Variants in MTMR14 observed in about 807,000 individuals in gnomAD.
The protein encoded by MTMR14 is phosphatidylinositol-3,5-bisphosphate 3-phosphatase MTMR14.
MTMR14 carries 48 observed loss-of-function variants against 86.3 expected under a neutral mutation model. The ratio of observed to expected loss-of-function variants is 0.56; its 90% CI spans 0.44 to 0.71. The LOEUF is 0.71. Among genes scored for constraint, MTMR14 ranks in the 30% least tolerant of loss-of-function variants. The pLI, the probability that MTMR14 is intolerant of heterozygous loss-of-function variation, is 0.00. For missense variants in MTMR14, 780 were observed against 834.6 expected, an observed-to-expected ratio of 0.93 and a Z score of 0.81; for synonymous variants, 366 against 326.1, an observed-to-expected ratio of 1.12 and a Z score of -1.32.
intron 3 of MTMR14, among the ~76,000 whole-genome samples, chr3:9,666,906 C>T (rs1292590214): frequency 6.6e-6 from 1 of 152,194 alleles, no homozygotes; most frequent in East Asian, 1.9e-4. Flanking sequence ...GGCAAAGGAA[C>T]AGGTGTCTAT....
intron 1 of MTMR14, among the ~76,000 whole-genome samples, chr3:9,650,038 C>T (rs899509106): frequency 2.0e-5 from 3 of 151,954 alleles, no homozygotes; most frequent in African/African-American, 7.3e-5. Flanking sequence ...GAGAGGAGGA[C>T]CTAAGGAAGG....
intron 7 of MTMR14, chr3:9,675,492 C>T: frequency 2.3e-6 from 1 of 443,390 alleles, no homozygotes; most frequent in Non-Finnish European, 4.6e-6. Context: ...ATGTGTCACA[C>T]TATCTTGGGC....
chr3:9,665,251 C>T (rs978216295), intron 3 of MTMR14, among the ~76,000 whole-genome samples: 1 of 146,434 alleles, frequency 6.8e-6, no homozygotes, highest in African/African-American at 2.5e-5. Flanking sequence ...CATTGCACTC[C>T]AGCCTGGGCG....
In MTMR14 at chr3:9,677,303, C is replaced by T; in HGVS notation, c.752-14C>T. 6.2e-7 allele frequency: 1 copy of T among 1,613,352 alleles called. No homozygotes were observed. Among genetic ancestry groups the T allele is most frequent in the Non-Finnish European group, 8.5e-7 (1 of 1,179,388 alleles). On this transcript the variant is annotated splice_polypyrimidine_tract_variant and intron_variant, in intron 7 of 18. Coordinates refer to ENST00000296003, the MANE Select transcript of MTMR14 (RefSeq NM_001077525.3). This position sits in a 1 kb window ranked among gnomAD's most constrained non-coding sequence, Gnocchi z 4.2. ...TGGGAAGGGAGATGTCATAACTCTGCCCTTCTTTTCCAGGCTGTGAATTTT... is the reference window on the plus strand; with the variant it reads ...TGGGAAGGGAGATGTCATAACTCTGTCCTTCTTTTCCAGGCTGTGAATTTT...
At chr3:9,653,863 A>G (rs2047451823) in intron 2 of MTMR14, 94 bp downstream of exon 2, 2 of 1,531,402 alleles carry the variant, frequency 1.3e-6, no homozygotes, top group Non-Finnish European at 1.8e-6. Context: ...GGGCAGAATC[A>G]CTTTCCCCAG....
At chr3:9,678,142 C>T (rs546635910) in intron 9 of MTMR14, 84 bp downstream of exon 9, 153 of 1,396,732 alleles carry the variant, frequency 1.1e-4, no homozygotes, top group Non-Finnish European at 1.4e-4. Context: ...ACAAGGCCCT[C>T]GTGTGTTTGC....
At chr3:9,650,402 G>A (rs565159155) in intron 1 of MTMR14, 24 of 456,162 alleles carry the variant, frequency 5.3e-5, no homozygotes, top group African/African-American at 4.8e-4. Flanking sequence ...CTGGCAGTGC[G>A]GTGGGAATCT....
chr3:9,672,163 G>C (rs2125139159), intron 6 of MTMR14, among the ~76,000 whole-genome samples: 1 of 152,318 alleles, frequency 6.6e-6, no homozygotes, highest in Admixed American at 6.5e-5. Flanking sequence ...CCACCTTTAG[G>C]CTCTGATTGA....
chr3:9,668,705 T>C lies in MTMR14; in HGVS notation c.418-14T>C. On this transcript the variant is annotated splice_polypyrimidine_tract_variant and intron_variant, in intron 3 of 18. Coordinates refer to ENST00000296003, the MANE Select transcript of MTMR14 (RefSeq NM_001077525.3). ...GAAAACCATCTGACCGTGAAAATGA[T>C]GTTTCTCTCCCAGCACATTTGCAGG... The C allele has an allele frequency of 6.2e-7, 1 of 1,614,072 alleles. No homozygotes were observed.
chr3:9,684,720 AT>A (rs2075880992), intron 11 of MTMR14, 50 bp downstream of exon 11: 1 of 1,605,148 alleles, frequency 6.2e-7, no homozygotes, highest in East Asian at 2.2e-5. Flanking sequence ...GTGTGTTAGG[AT>A]TGTCTCCAGA....
intron 5 of MTMR14, among the ~76,000 whole-genome samples, chr3:9,670,484 C>T (rs2048507699): frequency 6.6e-6 from 1 of 152,216 alleles, no homozygotes; most frequent in South Asian, 2.1e-4. Flanking sequence ...CAAAAGGCAG[C>T]AGTGAGATAG....
rs1403982585 is a variant in MTMR14 at position 9,702,042 on chromosome 3, C to T, written c.*69C>T. On this transcript the variant is annotated 3_prime_UTR_variant, in exon 19 of 19. Transcript: ENST00000296003. ...CCCTTAGCAGAGAATCAAAGCCATG[C>T]CTGGCCGAAGGGGTACTTCCAGGTC... 1.3e-6 allele frequency: 2 copies of T among 1,597,920 alleles called. No individual in the cohort carries two copies. Among genetic ancestry groups the T allele is most frequent in the East Asian group, 2.2e-5 (1 of 44,814 alleles).
chr3:9,672,023 T>A (rs2048589934), intron 6 of MTMR14, among the ~76,000 whole-genome samples: 1 of 152,150 alleles, frequency 6.6e-6, no homozygotes. Context: ...GTGGGCTCAG[T>A]GACTATTAGA....
In MTMR14 at chr3:9,651,628, C is replaced by T. The variant is rs1180544027; in HGVS notation, c.159+1886C>T. Among the ~76,000 whole-genome samples the T allele has an allele frequency of 2.0e-5, 3 of 152,166 alleles. No homozygotes were observed. In the South Asian group the frequency reaches 6.2e-4, roughly 32 times the overall value. ...ACAGGGAGTTAGATCTGTAACTGAA[C>T]AATCGATTGAGATAACTCACTACCT... On this transcript the variant is annotated intron_variant, in intron 1 of 18. Coordinates refer to ENST00000296003, the MANE Select transcript of MTMR14 (RefSeq NM_001077525.3).
At chr3:9,684,558 G>T in intron 10 of MTMR14, 27 bp from the exon 11 acceptor site, 1 of 1,611,830 alleles carries the variant, frequency 6.2e-7, no homozygotes, top group Non-Finnish European at 8.5e-7. Context: ...TCTCTCCTGG[G>T]CATCCTCTCC....
At chr3:9,664,491 A>G (rs1377382971) in intron 3 of MTMR14, among the ~76,000 whole-genome samples, 1 of 152,020 alleles carries the variant, frequency 6.6e-6, no homozygotes, top group Non-Finnish European at 1.5e-5. Context: ...GCTTGCTTCC[A>G]CAACCTAAAT....
In MTMR14 at chr3:9,684,634, C is replaced by A. The variant is rs2075876693; in HGVS notation, c.1014C>A (p.Pro338=). 1 of 1,614,184 alleles carries A rather than the reference C, an allele frequency of 6.2e-7. No homozygotes were observed. Among genetic ancestry groups the A allele is most frequent in the Non-Finnish European group, 8.5e-7 (1 of 1,180,020 alleles). ...GTATCTCAGGCTGGGATCGGACCCC[C>A]CTCTTCATCTCCCTCCTGCGCCTTT... is the stretch of plus-strand genomic sequence containing the variant. ...VHCISGWDRT[P]LFISLLRLSL... Residue 338 remains proline, a synonymous_variant, in exon 11 of 19, where the codon CCC becomes CCA. Coordinates refer to ENST00000296003, the MANE Select transcript of MTMR14 (RefSeq NM_001077525.3).
Position 9,688,945 on chromosome 3 carries a change from A to G in MTMR14, c.1296A>G (p.Arg432=). The G allele has an allele frequency of 6.2e-7, 1 of 1,613,566 alleles. No homozygotes were observed. Among genetic ancestry groups the G allele is most frequent in the Non-Finnish European group, 8.5e-7 (1 of 1,179,938 alleles). ...ACTGATGGCACTGGCTTCTTTTAGG[A>G]CGAAAGGACCGTGGCAGCACCACCA... ...GFTLEDICML[R]RKDRGSTTSL... is the part of the protein sequence containing the mutation. Residue 432 remains arginine, a splice_region_variant and synonymous_variant, in exon 16 of 19, where the codon AGA becomes AGG. Transcript: ENST00000296003.
At chr3:9,669,176 A>C (rs1168696919) in intron 4 of MTMR14, among the ~76,000 whole-genome samples, 1 of 151,862 alleles carries the variant, frequency 6.6e-6, no homozygotes, top group South Asian at 2.1e-4. Context: ...CCATGACCAC[A>C]ATAGTATAGG....
Sources: allele counts gnomAD v4.1 joint callset (sites outside exome capture counted in the v4.1 genomes callset), GRCh38; gene constraint gnomAD v4.1.1; non-coding constraint Gnocchi (gnomAD v3.1); transcripts MANE v1.5; gene names NCBI Gene and HGNC (gene_info 2026-07-23, HGNC 2026-07-21).